Variants in RTN3 observed in about 807,000 individuals in gnomAD.
The protein encoded by RTN3 is reticulon-3.
Under a neutral mutation model 77.8 loss-of-function variants are expected in RTN3, and 49 were observed. The ratio of observed to expected loss-of-function variants is 0.63; its 90% CI spans 0.50 to 0.80. The LOEUF is 0.80. Ranked by LOEUF, RTN3 falls within the 30% of genes least tolerant of loss-of-function variation. RTN3 has a pLI of 0.00. For missense variants in RTN3, 1,236 were observed against 1,211.9 expected (o/e 1.02, Z -0.29); for synonymous variants, 464 against 446.9 (o/e 1.04, Z -0.48).
rs140229299 is a variant in RTN3 at position 63,756,139 on chromosome 11, G to A, written c.3022G>A (p.Ala1008Thr). 652 of 1,612,958 alleles carry A rather than the reference G, an allele frequency of 4.0e-4. 1 individual carries two copies. Among genetic ancestry groups the A allele is most frequent in the Non-Finnish European group, 4.5e-4 (525 of 1,179,276 alleles). ...KTQIDHYVGI[A>T]RDQTKSIVEK... ...CCAGATTGATCACTATGTTGGCATC[G>A]CCCGAGATCAGACCAAGTCAATTGT... The change falls in exon 8 of 9, where the codon GCC becomes ACC. Residue 1008 changes from alanine (A) to threonine (T), a missense_variant. This residue lies in a region of RTN3 where 141 missense variants were observed against 154.9 expected (regional missense o/e 0.91). Coordinates refer to ENST00000377819, the MANE Select transcript of RTN3 (RefSeq NM_001265589.2).
Position 63,758,653 on chromosome 11 carries a change from T to G in RTN3, c.*452T>G, listed in dbSNP as rs1022318405. On this transcript the variant is annotated 3_prime_UTR_variant, in exon 9 of 9. Coordinates refer to ENST00000377819, the MANE Select transcript of RTN3 (RefSeq NM_001265589.2). ...GGGGACAGGAGTGTGATACCTTCCT[T>G]GGTTTTTTTTTGCAGCCCTCAAATC... 10 of 342,526 alleles carry G rather than the reference T, an allele frequency of 2.9e-5. No individual in the cohort carries two copies. The highest frequency in any genetic ancestry group is 2.1e-4 in the African/African-American group (10 of 47,470). 21.2% of individuals were successfully genotyped at this position (342,526 alleles called of 1,614,324 possible). A position where few individuals can be genotyped will look rare whatever the true frequency, so the allele number is the denominator to read the frequency against.
rs55888863 is a variant in RTN3 at position 63,685,495 on chromosome 11, C to CAAAA, written c.142+3728_142+3731dup. On this transcript the variant is annotated intron_variant, in intron 1 of 8. Transcript: ENST00000377819. The stretch of plus-strand genomic sequence containing the variant: ...TAGGCGACACAGCAAGACTCCATCT[C>CAAAA]AAAAAAAAAAAAAAGTTACTGCAAT... Among the ~76,000 whole-genome samples, 398 of 115,536 alleles carry CAAAA rather than the reference C, an allele frequency of 3.4e-3. 13 individuals are homozygous for CAAAA. The highest frequency in any genetic ancestry group is 0.034 in the East Asian group (159 of 4,700). The allele number at this position is 115,536 out of a possible 152,430, so 75.8% of individuals were successfully genotyped here.
At chr11:63,732,948 A>G (rs981552708) in intron 3 of RTN3, among the ~76,000 whole-genome samples, 1 of 152,216 alleles carries the variant, frequency 6.6e-6, no homozygotes, top group Non-Finnish European at 1.5e-5. Flanking sequence ...CCAGCAACAT[A>G]ATAAGATAAT....
chr11:63,714,224 ATAAT>A, intron 2 of RTN3: 1 of 357,144 alleles, frequency 2.8e-6, no homozygotes. Flanking sequence ...TCTAAACAAA[ATAAT>A]TAAAGTTAAA....
chr11:63,742,728 G>A (rs2013560901), intron 3 of RTN3, among the ~76,000 whole-genome samples: 1 of 152,142 alleles, frequency 6.6e-6, no homozygotes, highest in Admixed American at 6.5e-5. Flanking sequence ...TGGCAATTTT[G>A]AGTCTTCCAA....
chr11:63,700,375 A>G (rs1942175876), intron 1 of RTN3, among the ~76,000 whole-genome samples: 1 of 148,886 alleles, frequency 6.7e-6, no homozygotes. Flanking sequence ...TCCTGGCCTC[A>G]AATAATCCTC....
At chr11:63,723,627 G>A (rs1341019389) in intron 3 of RTN3, among the ~76,000 whole-genome samples, 2 of 151,990 alleles carry the variant, frequency 1.3e-5, no homozygotes, top group African/African-American at 4.8e-5. Context: ...GTTTCACCAT[G>A]TTGGCCAGGC....
chr11:63,719,842 T>A lies in RTN3; in HGVS notation c.1340T>A (p.Leu447His). Residue 447 changes from leucine (L) to histidine (H), a missense_variant, in exon 3 of 9, where the codon CTT (leucine) becomes CAT (histidine). Physicochemically the swap from Leu to His is moderately conservative, Grantham distance 99. Transcript: ENST00000377819. Reference protein sequence around the residue: ...QGNMQKQDDTLAELPGSPPEK... With the variant: ...QGNMQKQDDTHAELPGSPPEK... ...AATATGCAGAAACAGGATGACACACTTGCAGAATTACCTGGATCTCCACCT... is the reference window on the plus strand; with the variant it reads ...AATATGCAGAAACAGGATGACACACATGCAGAATTACCTGGATCTCCACCT... The A allele has an allele frequency of 6.2e-7, 1 of 1,614,198 alleles. No individual in the cohort carries two copies. The highest frequency in any genetic ancestry group is 8.5e-7 in the Non-Finnish European group (1 of 1,180,036).
intron 3 of RTN3, among the ~76,000 whole-genome samples, chr11:63,723,060 C>T (rs1048766570): frequency 6.6e-6 from 1 of 152,110 alleles, no homozygotes; most frequent in African/African-American, 2.4e-5. Flanking sequence ...TTTTGCCCTG[C>T]TTTGTATGTT....
chr11:63,749,930 T>A, intron 3 of RTN3, 61 bp from the exon 4 acceptor site: 1 of 1,206,796 alleles, frequency 8.3e-7, no homozygotes, highest in Non-Finnish European at 1.2e-6. Context: ...GCTCCACAGG[T>A]ATGCAAGACA....
chr11:63,703,532 A>T (rs142991660), intron 1 of RTN3, among the ~76,000 whole-genome samples: 1 of 151,814 alleles, frequency 6.6e-6, no homozygotes, highest in African/African-American at 2.4e-5. Context: ...GAATATCTTC[A>T]TACACATATT....
In RTN3 at chr11:63,753,084, T is replaced by C; in HGVS notation, c.2893T>C (p.Trp965Arg). Residue 965 changes from tryptophan to arginine, a missense_variant, in exon 6 of 9, where the codon TGG (tryptophan) becomes CGG (arginine). Transcript: ENST00000377819. The stretch of plus-strand genomic sequence containing the variant: ...GCCTTCACAGCTGGCTGTCTTCATG[T>C]GGCTGATGACCTATGTTGGTGCTGT... ...VDSLKLAVFM[W>R]LMTYVGAVFN... 6.2e-7 allele frequency: 1 copy of C among 1,614,172 alleles called. No homozygotes were observed. The highest frequency in any genetic ancestry group is 8.5e-7 in the Non-Finnish European group (1 of 1,180,018).
intron 3 of RTN3, among the ~76,000 whole-genome samples, chr11:63,725,761 C>T (rs1414134175): frequency 6.6e-6 from 1 of 152,072 alleles, no homozygotes; most frequent in African/African-American, 2.4e-5. Context: ...CTTAAGTTAA[C>T]GTTGTTATAC....
At chr11:63,749,435 C>T (rs565384034) in intron 3 of RTN3, among the ~76,000 whole-genome samples, 5 of 152,208 alleles carry the variant, frequency 3.3e-5, no homozygotes, top group Admixed American at 2.6e-4. Context: ...TTTCTTTGCC[C>T]CTGCCCCAAT....
chr11:63,721,883 AACC>A (rs2011838805), intron 3 of RTN3, among the ~76,000 whole-genome samples: 2 of 152,192 alleles, frequency 1.3e-5, no homozygotes, highest in Non-Finnish European at 2.9e-5. Context: ...GAAAGTAGGT[AACC>A]AGTATTGTAG....
chr11:63,708,637 T>C (rs1942607834), intron 2 of RTN3, among the ~76,000 whole-genome samples: 1 of 152,212 alleles, frequency 6.6e-6, no homozygotes, highest in Non-Finnish European at 1.5e-5. Flanking sequence ...TTGTACTGCT[T>C]TGAGAATACA....
At chr11:63,735,345 A>G (rs908676034) in intron 3 of RTN3, among the ~76,000 whole-genome samples, 2 of 152,180 alleles carry the variant, frequency 1.3e-5, no homozygotes, top group Admixed American at 1.3e-4. Context: ...CCAAAAGCAT[A>G]AAATACTTGG....
upstream of RTN3, chr11:63,681,479 C>G: frequency 1.4e-6 from 1 of 734,184 alleles, no homozygotes; most frequent in Non-Finnish European, 2.0e-6. Context: ...CGCCCTCTAG[C>G]TGCGCTCGGC....
intron 3 of RTN3, among the ~76,000 whole-genome samples, chr11:63,735,725 T>G (rs1420140474): frequency 6.6e-6 from 1 of 152,128 alleles, no homozygotes; most frequent in Non-Finnish European, 1.5e-5. Flanking sequence ...AGATGGAGTT[T>G]TGCCATGTTG....
Sources: gnomAD v4.1 joint callset for allele counts (sites outside exome capture counted in the v4.1 genomes callset) on GRCh38, gnomAD v4.1.1 for gene constraint, gnomAD v4.1.1 regional missense constraint, MANE v1.5 for transcripts, NCBI Gene and HGNC (gene_info 2026-07-23, HGNC 2026-07-21) for gene names.